DLC1: variants seen among roughly 807,000 people sequenced by gnomAD.
DLC1 encodes the protein rho GTPase-activating protein 7.
Under a neutral mutation model 140.3 loss-of-function variants are expected in DLC1, and 54 were observed. The observed-to-expected ratio is 0.38, with a 90% CI of 0.31 to 0.48. The LOEUF (loss-of-function observed/expected upper bound fraction) is 0.48. Among genes scored for constraint, DLC1 ranks in the 20% least tolerant of loss-of-function variants. The pLI is 0.96. For missense variants in DLC1, 2,536 were observed against 1,907.0 expected (o/e 1.33, Z -6.14); for synonymous variants, 986 against 728.1 (o/e 1.35, Z -5.70).
chr8:13,390,310 T>C (rs990643790), intron 4 of DLC1, among the ~76,000 whole-genome samples: 5 of 152,228 alleles, frequency 3.3e-5, no homozygotes, highest in Non-Finnish European at 5.9e-5. Flanking sequence ...TTCCTTTTTA[T>C]GGCTGCATAG....
At chr8:13,303,422 A>T (rs961469975) in intron 5 of DLC1, among the ~76,000 whole-genome samples, 1 of 152,232 alleles carries the variant, frequency 6.6e-6, no homozygotes, top group African/African-American at 2.4e-5. Context: ...CATTAAAAAA[A>T]TTGTTGTTCT....
chr8:13,566,774 G>T (rs78230326), intron 1 of DLC1: 1 of 600,348 alleles, frequency 1.7e-6, no homozygotes. Context: ...GTGGGCGCTG[G>T]GGAGCGCGGA....
intron 4 of DLC1, among the ~76,000 whole-genome samples, chr8:13,382,693 A>G (rs1205645774): frequency 6.6e-6 from 1 of 152,134 alleles, no homozygotes; most frequent in Non-Finnish European, 1.5e-5. Flanking sequence ...ACTCAAGAAA[A>G]TATGGTCTCA....
At chr8:13,105,687 C>T (rs1467494680) in intron 7 of DLC1, among the ~76,000 whole-genome samples, 1 of 151,490 alleles carries the variant, frequency 6.6e-6, no homozygotes, top group Non-Finnish European at 1.5e-5. Context: ...AAGCAATTCT[C>T]ATGCCTCAGC....
At position 13,100,654 on chromosome 8, in the gene DLC1, G is replaced by C; in HGVS notation, c.1683C>G (p.Asp561Glu). The C allele has an allele frequency of 1.2e-6, 2 of 1,614,128 alleles. No individual in the cohort carries two copies. Among genetic ancestry groups the C allele is most frequent in the Non-Finnish European group, 1.7e-6 (2 of 1,180,022 alleles). ...AGTCGTCTGGGGACCCAGGGACCAG[G>C]TCTTGTTTTGGAGAAAAGACATCAA... ...EEFDVFSPKQ[D>E]LVPGSPDDSH... The change falls in exon 9 of 18, where the codon GAC becomes GAG. Residue 561 changes from aspartate to glutamate, a missense_variant. By Grantham distance (45) the Asp-to-Glu change is conservative (BLOSUM62 2). Transcript: ENST00000276297.
At chr8:13,356,512 A>C (rs1470811898) in intron 4 of DLC1, among the ~76,000 whole-genome samples, 3 of 152,190 alleles carry the variant, frequency 2.0e-5, no homozygotes, top group Non-Finnish European at 2.9e-5. Context: ...CTATGTAGAC[A>C]TTTCTGCTTC....
chr8:13,094,152 A>G (rs1479568126), intron 12 of DLC1, among the ~76,000 whole-genome samples: 1 of 152,228 alleles, frequency 6.6e-6, no homozygotes, highest in Non-Finnish European at 1.5e-5. Flanking sequence ...CCTGATCTTT[A>G]TCTGACCAGC....
upstream of DLC1, among the ~76,000 whole-genome samples, chr8:13,516,169 G>A (rs575492424): frequency 2.0e-5 from 3 of 151,552 alleles, no homozygotes; most frequent in Non-Finnish European, 4.4e-5. Context: ...CATTTTTTTG[G>A]GGGGGGACTG....
chr8:13,094,934 C>A lies in DLC1; in HGVS notation c.3351G>T (p.Gly1117=). Residue 1117 remains glycine (G), a synonymous_variant, in exon 12 of 18, where the codon GGG becomes GGT. Transcript: ENST00000276297. Reference sequence around the variant, plus strand: ...GCAGAGCCTGAATCCGGGACTTGACCCCCGATTTTCTGAAGAGCCCAACCT... The same window carrying A: ...GCAGAGCCTGAATCCGGGACTTGACACCCGATTTTCTGAAGAGCCCAACCT... ...LDQVGLFRKS[G]VKSRIQALRQ... is the part of the protein sequence containing the mutation. 3 of 1,614,186 alleles carry A rather than the reference C, an allele frequency of 1.9e-6. No homozygotes were observed. The highest frequency in any genetic ancestry group is 2.5e-6 in the Non-Finnish European group (3 of 1,180,034).
intron 5 of DLC1, among the ~76,000 whole-genome samples, chr8:13,208,556 A>C (rs934592672): frequency 4.6e-5 from 7 of 152,194 alleles, no homozygotes; most frequent in Non-Finnish European, 7.3e-5. Flanking sequence ...CAGGGTTTTT[A>C]GATTAAAAGT....
intron 5 of DLC1, among the ~76,000 whole-genome samples, chr8:13,175,872 A>G (rs1179485820): frequency 1.3e-5 from 2 of 152,176 alleles, no homozygotes; most frequent in African/African-American, 4.8e-5. Context: ...TCCTGGTCAC[A>G]GCTTCCCTCT....
intron 5 of DLC1, among the ~76,000 whole-genome samples, chr8:13,289,165 A>C (rs1338282014): frequency 6.6e-6 from 1 of 151,902 alleles, no homozygotes; most frequent in African/African-American, 2.4e-5. Context: ...TTCACCCCCA[A>C]ATACCCTCCA....
chr8:13,514,037 T>C (rs1802489624), intron 1 of DLC1, among the ~76,000 whole-genome samples: 1 of 136,330 alleles, frequency 7.3e-6, no homozygotes, highest in Non-Finnish European at 1.5e-5. Context: ...ACGTGTTTAC[T>C]TTTTTTTTTT....
At chr8:13,367,501 T>C (rs1471297295) in intron 4 of DLC1, among the ~76,000 whole-genome samples, 2 of 152,148 alleles carry the variant, frequency 1.3e-5, no homozygotes, top group Admixed American at 6.6e-5. Context: ...TTCCCATGAA[T>C]TGTTTTTTTG....
chr8:13,288,326 A>G (rs1482996447), intron 5 of DLC1, among the ~76,000 whole-genome samples: 2 of 152,252 alleles, frequency 1.3e-5, no homozygotes, highest in Non-Finnish European at 2.9e-5. Flanking sequence ...ATTAATAAGA[A>G]TTAGTATTCC....
At chr8:13,363,298 G>T (rs1835324180) in intron 4 of DLC1, among the ~76,000 whole-genome samples, 1 of 150,900 alleles carries the variant, frequency 6.6e-6, no homozygotes, top group African/African-American at 2.4e-5. Context: ...TTTCTGCACT[G>T]TGTTCTCAGA....
intron 1 of DLC1, chr8:13,567,038 C>T (rs751163792): frequency 1.9e-6 from 3 of 1,551,538 alleles, no homozygotes; most frequent in Non-Finnish European, 2.6e-6. Flanking sequence ...AGTGCTCTTG[C>T]AAACCTTTCT....
chr8:13,468,449 T>C (rs1800051424), intron 2 of DLC1, among the ~76,000 whole-genome samples: 1 of 147,484 alleles, frequency 6.8e-6, no homozygotes, highest in Non-Finnish European at 1.5e-5. Flanking sequence ...GGTGGGATCA[T>C]AGGTCACTGT....
chr8:13,537,950 G>A (rs1280072581), intron 1 of DLC1, among the ~76,000 whole-genome samples: 2 of 151,996 alleles, frequency 1.3e-5, no homozygotes, highest in East Asian at 1.9e-4. Flanking sequence ...CACCGCACCC[G>A]GCCAGCAACA....
Sources: allele counts gnomAD v4.1 joint callset (sites outside exome capture counted in the v4.1 genomes callset), GRCh38; gene constraint gnomAD v4.1.1; transcripts MANE v1.5; gene names NCBI Gene and HGNC (gene_info 2026-07-23, HGNC 2026-07-21).